MFSD11: variants seen among roughly 807,000 people sequenced by gnomAD.
MFSD11 encodes UNC93-like protein MFSD11.
In MFSD11, 36 loss-of-function variants were observed where a neutral mutation model predicts 53.5. That is an observed-to-expected ratio of 0.67 (90% confidence interval 0.52 to 0.89). MFSD11 has a LOEUF of 0.89. MFSD11 is among the 40% of genes least tolerant of loss of function. MFSD11 has a pLI of 0.00. For synonymous variants in MFSD11, 186 were observed against 184.9 expected (o/e 1.01, Z -0.05); for missense variants, 530 against 543.9 (o/e 0.97, Z 0.25).
chr17:76,737,074 C>G (rs148089239), upstream of MFSD11: 9 of 1,612,730 alleles, frequency 5.6e-6, no homozygotes, highest in African/African-American at 1.1e-4. Context: ...CGCGCCTCAG[C>G]GTGTCGGGCG....
At position 76,767,199 on chromosome 17, in the gene MFSD11, G is replaced by T. The variant is rs113360853; in HGVS notation, c.683-187G>T. 423 of 508,334 alleles carry T rather than the reference G, an allele frequency of 8.3e-4. 6 individuals carry two copies. The highest frequency in any genetic ancestry group is 7.4e-3 in the African/African-American group (375 of 50,504). 31.5% of individuals were successfully genotyped at this position (508,334 alleles called of 1,614,324 possible). A position where few individuals can be genotyped will look rare whatever the true frequency, so the allele number is the denominator to read the frequency against. On this transcript the variant is annotated intron_variant, in intron 8 of 12. Coordinates refer to ENST00000685175, the MANE Select transcript of MFSD11 (RefSeq NM_001242532.5). The stretch of plus-strand genomic sequence containing the variant: ...ATCTGTAGAATGTATTTAAGCACTT[G>T]AAATAAACGTTTTATTTATAGGGCA...
rs545596510 is a variant in MFSD11, at chr17:76,743,310, A to G, written c.438-88A>G. 4 of 884,080 alleles carry G rather than the reference A, an allele frequency of 4.5e-6. No homozygotes were observed. In the East Asian group the frequency reaches 1.2e-4, roughly 26 times the overall value. 54.8% of individuals were successfully genotyped at this position (884,080 alleles called of 1,614,324 possible). On this transcript the variant is annotated intron_variant, in intron 5 of 12. Transcript: ENST00000685175. The stretch of plus-strand genomic sequence containing the variant: ...TGATGTCCTTCTCTCTCCCTCTCTT[A>G]CAACAAATAATGGGAATAATTATTT...
the MFSD11 span, among the ~76,000 whole-genome samples, chr17:76,786,839 G>A: frequency 6.6e-6 from 1 of 151,894 alleles, no homozygotes; most frequent in African/African-American, 2.4e-5. Flanking sequence ...TTTTTGACAC[G>A]GAGTCTCGCT....
At chr17:76,737,709 C>G (rs972680531), upstream of MFSD11, 4 of 172,238 alleles carry the variant, frequency 2.3e-5, no homozygotes, top group Non-Finnish European at 5.0e-5. Context: ...GCCCCGTCTC[C>G]GTCTGAAGAG....
At chr17:76,742,663 C>T (rs886189487) in intron 5 of MFSD11, among the ~76,000 whole-genome samples, 29 of 152,102 alleles carry the variant, frequency 1.9e-4, no homozygotes, top group Non-Finnish European at 3.2e-4. Flanking sequence ...CCACCACGCC[C>T]GGCTAATTTT....
Position 76,738,390 on chromosome 17 carries a change from T to A in MFSD11, c.38T>A (p.Ile13Asn). 6.2e-7 allele frequency: 1 copy of A among 1,614,186 alleles called. No homozygotes were observed. The highest frequency in any genetic ancestry group is 8.5e-7 in the Non-Finnish European group (1 of 1,179,996). Reference protein sequence around the residue: ...PESKKLFNIIILGVAFMFMFT... With the variant: ...PESKKLFNIINLGVAFMFMFT... ...TCTAAAAAGCTTTTCAACATCATTA[T>A]TTTAGGAGTTGCCTTTATGTTTATG... Residue 13 changes from isoleucine to asparagine, a missense_variant, in exon 1 of 13, where the codon ATT (isoleucine) becomes AAT (asparagine). By Grantham distance (149) the Ile-to-Asn change is moderately radical. Coordinates refer to ENST00000685175, the MANE Select transcript of MFSD11 (RefSeq NM_001242532.5).
At chr17:76,762,369 TAC>T (rs1432811302) in intron 8 of MFSD11, among the ~76,000 whole-genome samples, 1 of 152,186 alleles carries the variant, frequency 6.6e-6, no homozygotes, top group Non-Finnish European at 1.5e-5. Context: ...ATGAATAAAG[TAC>T]ACTGACACAC....
At chr17:76,743,069 T>G (rs934219798) in intron 5 of MFSD11, among the ~76,000 whole-genome samples, 1 of 152,222 alleles carries the variant, frequency 6.6e-6, no homozygotes, top group Non-Finnish European at 1.5e-5. Flanking sequence ...ACAGATTCTT[T>G]AAAATTTAGC....
intron 7 of MFSD11, among the ~76,000 whole-genome samples, chr17:76,745,842 T>TA (rs58690031): frequency 1.1e-4 from 16 of 151,076 alleles, no homozygotes; most frequent in South Asian, 4.2e-4. Flanking sequence ...TTTATTTATT[T>TA]TTTGAGACGG....
intron 8 of MFSD11, 39 bp from the exon 9 acceptor site, chr17:76,767,346 TA>T: frequency 7.9e-7 from 1 of 1,260,662 alleles, no homozygotes; most frequent in Non-Finnish European, 1.1e-6. Flanking sequence ...TTTTATTAAC[TA>T]AAATCTAATT....
At chr17:76,793,550 G>A in the MFSD11 span, among the ~76,000 whole-genome samples, 1 of 151,282 alleles carries the variant, frequency 6.6e-6, no homozygotes, top group Non-Finnish European at 1.5e-5. Context: ...TGCAGTTAAC[G>A]CAATCATCAC....
intron 7 of MFSD11, among the ~76,000 whole-genome samples, chr17:76,752,303 A>C (rs1207640610): frequency 1.3e-5 from 2 of 152,132 alleles, no homozygotes. Flanking sequence ...ATCTTGGTGG[A>C]TGAATAAGAA....
intron 8 of MFSD11, chr17:76,767,177 T>C (rs2080923121): frequency 2.2e-6 from 1 of 458,550 alleles, no homozygotes; most frequent in African/African-American, 2.0e-5. Context: ...GAAATGCATC[T>C]GTAGAATGTA....
chr17:76,752,114 A>G (rs1162646213), intron 7 of MFSD11, among the ~76,000 whole-genome samples: 1 of 152,244 alleles, frequency 6.6e-6, no homozygotes, highest in East Asian at 1.9e-4. Context: ...AGCAAATGGT[A>G]TCAATAAGAA....
At chr17:76,781,950 T>A (rs1397106018), downstream of MFSD11, among the ~76,000 whole-genome samples, 2 of 151,506 alleles carry the variant, frequency 1.3e-5, no homozygotes, top group African/African-American at 4.9e-5. Flanking sequence ...GTCTCCCAAG[T>A]AGCTAGGACC....
chr17:76,762,578 C>T (rs756793796), intron 8 of MFSD11, among the ~76,000 whole-genome samples: 1 of 149,246 alleles, frequency 6.7e-6, no homozygotes, highest in Non-Finnish European at 1.5e-5. Flanking sequence ...ATGGTGTGAA[C>T]CGAGGAGGTG....
intron 2 of MFSD11, among the ~76,000 whole-genome samples, chr17:76,739,726 C>G (rs1360404421): frequency 6.6e-6 from 1 of 152,156 alleles, no homozygotes; most frequent in Non-Finnish European, 1.5e-5. Flanking sequence ...TCCCCCGCCC[C>G]CCACAAACCC....
At chr17:76,778,103 G>A in intron 12 of MFSD11, 85 bp from the exon 13 acceptor site, 1 of 1,371,844 alleles carries the variant, frequency 7.3e-7, no homozygotes, top group Non-Finnish European at 1.0e-6. Flanking sequence ...TGTCCTTGGG[G>A]CAGGATAGGA....
chr17:76,756,112 C>A (rs978016553), intron 8 of MFSD11, among the ~76,000 whole-genome samples: 5 of 148,274 alleles, frequency 3.4e-5, no homozygotes, highest in African/African-American at 1.3e-4. Flanking sequence ...GCATGAGCCA[C>A]TGCACCCAGA....
Sources: allele counts gnomAD v4.1 joint callset (sites outside exome capture counted in the v4.1 genomes callset), GRCh38; gene constraint gnomAD v4.1.1; transcripts MANE v1.5; gene names NCBI Gene and HGNC (gene_info 2026-07-23, HGNC 2026-07-21).